Variants in ARMH4 observed in about 807,000 individuals in gnomAD.
ARMH4 encodes the protein armadillo like helical domain containing 4.
Under a neutral mutation model 61.9 loss-of-function variants are expected in ARMH4, and 49 were observed. That is an observed-to-expected ratio of 0.79 (90% CI 0.63 to 1.00). ARMH4 has a LOEUF of 1.00. Ranked by LOEUF, ARMH4 falls within the 50% of genes least tolerant of loss-of-function variation. ARMH4 has a pLI of 0.00. For missense variants in ARMH4, 934 were observed against 930.0 expected (o/e 1.00, Z -0.06); for synonymous variants, 368 against 341.5 (o/e 1.08, Z -0.85).
At chr14:58,023,336 A>AACACTGTTC in intron 5 of ARMH4, among the ~76,000 whole-genome samples, 1 of 152,294 alleles carries the variant, frequency 6.6e-6, no homozygotes, top group South Asian at 2.1e-4. Context: ...TTGTCATTTC[A>AACACTGTTC]ACACTGTTCA....
intron 5 of ARMH4, among the ~76,000 whole-genome samples, chr14:58,068,771 C>T (rs970211295): frequency 1.3e-5 from 2 of 152,092 alleles, no homozygotes; most frequent in African/African-American, 2.4e-5. Context: ...CTTTGAGAGG[C>T]CGAGGCAGGC....
At chr14:58,098,061 T>C (rs1258499082) in intron 4 of ARMH4, among the ~76,000 whole-genome samples, 4 of 152,116 alleles carry the variant, frequency 2.6e-5, no homozygotes, top group Non-Finnish European at 5.9e-5. Flanking sequence ...CTCTCTCCCC[T>C]TGACTCTCGG....
chr14:58,141,361 A>G (rs17094371), intron 1 of ARMH4: 35,149 of 503,526 alleles, frequency 0.07, 1,858 homozygotes, highest in African/African-American at 0.18. Flanking sequence ...GAATGTCAAA[A>G]CCAAAATTCA....
chr14:58,090,021 C>T (rs576048929), intron 5 of ARMH4, among the ~76,000 whole-genome samples: 7 of 152,336 alleles, frequency 4.6e-5, no homozygotes, highest in African/African-American at 1.7e-4. Context: ...GTGCTCCCCT[C>T]CATTCCTCTG....
chr14:58,093,715 A>G (rs1365861223), intron 5 of ARMH4, among the ~76,000 whole-genome samples: 1 of 152,212 alleles, frequency 6.6e-6, no homozygotes, highest in Non-Finnish European at 1.5e-5. Context: ...TTGAATTACT[A>G]GGAGATATTC....
intron 5 of ARMH4, among the ~76,000 whole-genome samples, chr14:58,035,908 A>G (rs572013470): frequency 1.6e-4 from 22 of 137,464 alleles, no homozygotes; most frequent in African/African-American, 5.6e-4. Flanking sequence ...GCAATAATCA[A>G]TAGTTTACCA....
At chr14:58,107,763 CAAAA>C (rs34507217) in intron 4 of ARMH4, among the ~76,000 whole-genome samples, 194 of 97,328 alleles carry the variant, frequency 2.0e-3, no homozygotes, top group African/African-American at 7.0e-3. Context: ...GACTCCATCT[CAAAA>C]AAAAAAAAAA....
chr14:58,087,701 T>C (rs937242529), intron 5 of ARMH4, among the ~76,000 whole-genome samples: 2 of 152,172 alleles, frequency 1.3e-5, no homozygotes, highest in African/African-American at 4.8e-5. Flanking sequence ...GTGAAATTCC[T>C]ACATAGCTGT....
intron 4 of ARMH4, among the ~76,000 whole-genome samples, chr14:58,099,541 C>T (rs1421028898): frequency 6.6e-6 from 1 of 151,988 alleles, no homozygotes. Flanking sequence ...TAGACAAAGG[C>T]CAGGTTGGAG....
chr14:58,135,151 T>C (rs570904223), intron 2 of ARMH4, among the ~76,000 whole-genome samples: 1 of 152,260 alleles, frequency 6.6e-6, no homozygotes, highest in African/African-American at 2.4e-5. Context: ...ATTTTTACAT[T>C]TGATGGATTA....
chr14:58,038,565 A>AAATT (rs1566551493), intron 5 of ARMH4, among the ~76,000 whole-genome samples: 7 of 141,198 alleles, frequency 5.0e-5, no homozygotes, highest in African/African-American at 1.8e-4. Context: ...AAAAAAATTA[A>AAATT]AAAAAAAAAA....
chr14:58,090,852 C>G (rs1344320045), intron 5 of ARMH4, among the ~76,000 whole-genome samples: 1 of 147,232 alleles, frequency 6.8e-6, no homozygotes, highest in Non-Finnish European at 1.5e-5. Context: ...TGCACTCCAC[C>G]CTGGGAGACA....
At chr14:58,132,485 G>C (rs548029243) in intron 3 of ARMH4, among the ~76,000 whole-genome samples, 1 of 149,610 alleles carries the variant, frequency 6.7e-6, no homozygotes, top group Non-Finnish European at 1.5e-5. Context: ...TAGCAGCAGA[G>C]TTGCCAAACA....
chr14:58,110,722 A>AT (rs964928309), intron 4 of ARMH4, among the ~76,000 whole-genome samples: 25 of 148,502 alleles, frequency 1.7e-4, no homozygotes, highest in African/African-American at 4.4e-4. Flanking sequence ...ATTTGTTGAG[A>AT]TTTTTTTTTT....
At chr14:58,126,628 G>GA (rs1468844487) in intron 4 of ARMH4, among the ~76,000 whole-genome samples, 2 of 151,622 alleles carry the variant, frequency 1.3e-5, no homozygotes, top group South Asian at 2.1e-4. Context: ...GCCTGGCTGG[G>GA]AAAAAAATGT....
At position 58,085,842 on chromosome 14, in the gene ARMH4, AACCC is replaced by A. The variant is rs578228074; in HGVS notation, c.2089+10878_2089+10881del. On this transcript the variant is annotated intron_variant, in intron 5 of 7. Coordinates refer to ENST00000267485, the MANE Select transcript of ARMH4 (RefSeq NM_001001872.4). The stretch of plus-strand genomic sequence containing the variant: ...CTTTTAGTGAAACTTTGGTACCATT[AACCC>A]AACAGCTCCTACAGGGCATTAAAGA... Among the ~76,000 whole-genome samples the A allele has an allele frequency of 6.3e-4, 96 of 152,344 alleles. No homozygotes were observed. In the South Asian group the frequency reaches 0.012, roughly 19 times the overall value.
chr14:58,013,070 A>G (rs1594689007), intron 5 of ARMH4, among the ~76,000 whole-genome samples: 3 of 152,252 alleles, frequency 2.0e-5, no homozygotes, highest in Admixed American at 6.5e-5. Flanking sequence ...AACAAAAGAA[A>G]TAAGTGTAAA....
At chr14:58,056,968 T>C (rs1884367798) in intron 5 of ARMH4, among the ~76,000 whole-genome samples, 1 of 152,136 alleles carries the variant, frequency 6.6e-6, no homozygotes, top group Non-Finnish European at 1.5e-5. Context: ...ACACTCTCCT[T>C]CCTTCCCACC....
intron 4 of ARMH4, among the ~76,000 whole-genome samples, chr14:58,097,692 T>A (rs933685980): frequency 2.8e-5 from 3 of 107,294 alleles, no homozygotes; most frequent in African/African-American, 6.8e-5. Context: ...TTTTTTTTTT[T>A]TTATTTTTTA....
Sources: allele counts gnomAD v4.1 joint callset (sites outside exome capture counted in the v4.1 genomes callset), GRCh38; gene constraint gnomAD v4.1.1; transcripts MANE v1.5; gene names NCBI Gene and HGNC (gene_info 2026-07-23, HGNC 2026-07-21).